Variants in WWOX observed in about 807,000 individuals in gnomAD.
WWOX encodes the protein WW domain-containing oxidoreductase.
A neutral mutation model predicts 46.2 loss-of-function variants in WWOX; 69 were observed. The observed-to-expected ratio is 1.49, with a 90% CI of 1.23 to 1.82. WWOX has a LOEUF of 1.82. Ranked by LOEUF, WWOX falls within the 40% of genes most tolerant of loss-of-function variation. The pLI, the probability that WWOX is intolerant of heterozygous loss-of-function variation, is 0.00. For missense variants in WWOX, 919 were observed against 542.6 expected (o/e 1.69, Z -6.89); for synonymous variants, 359 against 202.6 (o/e 1.77, Z -6.56).
intron 8 of WWOX, among the ~76,000 whole-genome samples, chr16:78,639,817 C>T (rs112441602): frequency 0.019 from 2,869 of 152,240 alleles, 96 homozygotes; most frequent in African/African-American, 0.066. Context: ...CCACCTGCCC[C>T]AGCCTCCCAC....
chr16:78,323,490 T>C (rs1597483138), intron 5 of WWOX, among the ~76,000 whole-genome samples: 1 of 144,186 alleles, frequency 6.9e-6, no homozygotes, highest in East Asian at 2.5e-4. Context: ...CAGCAGTTTC[T>C]GCTTTTTCTA....
At chr16:78,172,954 A>T (rs1000332745) in intron 5 of WWOX, among the ~76,000 whole-genome samples, 1 of 152,174 alleles carries the variant, frequency 6.6e-6, no homozygotes, top group Non-Finnish European at 1.5e-5. Flanking sequence ...ACTGTTTTTC[A>T]TATTTATTGT....
At chr16:78,361,411 G>A (rs1322889715) in intron 5 of WWOX, among the ~76,000 whole-genome samples, 2 of 152,126 alleles carry the variant, frequency 1.3e-5, no homozygotes, top group African/African-American at 4.8e-5. Context: ...ATTATTTGAA[G>A]GGAGATGTTT....
intron 8 of WWOX, among the ~76,000 whole-genome samples, chr16:78,568,771 A>G (rs1336483386): frequency 6.6e-6 from 1 of 152,202 alleles, no homozygotes; most frequent in Non-Finnish European, 1.5e-5. Context: ...CACAGCGTCC[A>G]GCCCCAACTT....
chr16:78,474,385 C>A (rs533464012), intron 8 of WWOX, among the ~76,000 whole-genome samples: 1 of 152,322 alleles, frequency 6.6e-6, no homozygotes, highest in Non-Finnish European at 1.5e-5. Flanking sequence ...ACTCTCTAAA[C>A]CGATCATCAC....
At chr16:78,169,711 G>C (rs2035091120) in intron 5 of WWOX, among the ~76,000 whole-genome samples, 1 of 152,124 alleles carries the variant, frequency 6.6e-6, no homozygotes, top group Non-Finnish European at 1.5e-5. Flanking sequence ...AGGTAGGGTA[G>C]AGTGGGAGCA....
chr16:78,127,882 A>ATTG (rs2033426929), intron 4 of WWOX, among the ~76,000 whole-genome samples: 1 of 152,156 alleles, frequency 6.6e-6, no homozygotes, highest in Non-Finnish European at 1.5e-5. Context: ...TTTGACACAG[A>ATTG]TTGTCCTTAA....
At chr16:78,738,870 T>A (rs1249530045) in intron 8 of WWOX, among the ~76,000 whole-genome samples, 2 of 152,278 alleles carry the variant, frequency 1.3e-5, no homozygotes, top group South Asian at 4.2e-4. Context: ...TTAAGCCACA[T>A]TCCATTCTTC....
intron 8 of WWOX, among the ~76,000 whole-genome samples, chr16:78,741,652 C>G (rs762352036): frequency 2.6e-5 from 4 of 152,072 alleles, no homozygotes; most frequent in African/African-American, 7.2e-5. Flanking sequence ...GTCAGGAGTT[C>G]AAGACCAGGC....
In WWOX at chr16:78,504,678, C is replaced by T. The variant is rs879689067; in HGVS notation, c.1056+71926C>T. Among the ~76,000 whole-genome samples the T allele has an allele frequency of 3.9e-4, 60 of 152,122 alleles. 1 individual carries two copies. The highest frequency in any genetic ancestry group is 7.4e-4 in the Non-Finnish European group (50 of 68,000). ...TTATCCTGAACACATCTCTGTGCAT[C>T]GGGGAGGATGGGAGAATTAATTCCA... On this transcript the variant is annotated intron_variant, in intron 8 of 8. Transcript: ENST00000566780.
At chr16:78,347,017 GC>G (rs2081104911) in intron 5 of WWOX, among the ~76,000 whole-genome samples, 1 of 119,572 alleles carries the variant, frequency 8.4e-6, no homozygotes, top group South Asian at 2.5e-4. Context: ...GAGCCACAGC[GC>G]CCGGTGGTCA....
intron 8 of WWOX, among the ~76,000 whole-genome samples, chr16:78,796,505 G>A (rs767698498): frequency 3.3e-5 from 5 of 152,224 alleles, no homozygotes; most frequent in Non-Finnish European, 7.3e-5. Context: ...GATGCCTCGA[G>A]GAGGCAAGAG....
At chr16:78,812,629 C>T (rs542392723) in intron 8 of WWOX, among the ~76,000 whole-genome samples, 11 of 152,000 alleles carry the variant, frequency 7.2e-5, no homozygotes, top group Non-Finnish European at 1.3e-4. Flanking sequence ...GGGAGGCTGA[C>T]GCGCGAGAAT....
chr16:78,380,636 A>G (rs1048296939), intron 5 of WWOX, among the ~76,000 whole-genome samples: 6 of 152,150 alleles, frequency 3.9e-5, no homozygotes, highest in Admixed American at 1.3e-4. Context: ...CATAATCACA[A>G]TATAAGGATC....
chr16:78,779,136 C>G (rs932818649), intron 8 of WWOX, among the ~76,000 whole-genome samples: 4 of 151,330 alleles, frequency 2.6e-5, no homozygotes, highest in Non-Finnish European at 2.9e-5. Flanking sequence ...ATAAATGTGA[C>G]TCCAACTTGT....
chr16:78,121,881 G>A (rs1007992348), intron 4 of WWOX, among the ~76,000 whole-genome samples: 1 of 152,010 alleles, frequency 6.6e-6, no homozygotes, highest in Admixed American at 6.5e-5. Context: ...TACAGGTCTT[G>A]AACTCCTGAC....
At chr16:78,482,558 T>C (rs2151449061) in intron 8 of WWOX, among the ~76,000 whole-genome samples, 1 of 152,316 alleles carries the variant, frequency 6.6e-6, no homozygotes, top group East Asian at 1.9e-4. Context: ...TTAACCAGTA[T>C]TTATTGAATA....
At chr16:79,166,239 C>T (rs2050592161) in intron 8 of WWOX, among the ~76,000 whole-genome samples, 1 of 152,192 alleles carries the variant, frequency 6.6e-6, no homozygotes, top group South Asian at 2.1e-4. Flanking sequence ...TGAGTTGCCT[C>T]CCCACCTCAT....
intron 8 of WWOX, among the ~76,000 whole-genome samples, chr16:78,885,280 T>C (rs1239896766): frequency 6.6e-6 from 1 of 151,958 alleles, no homozygotes; most frequent in African/African-American, 2.4e-5. Context: ...CTTCCATCTG[T>C]ATTTTCTTTA....
Sources: gnomAD v4.1 joint callset for allele counts (sites outside exome capture counted in the v4.1 genomes callset) on GRCh38, gnomAD v4.1.1 for gene constraint, MANE v1.5 for transcripts, NCBI Gene and HGNC (gene_info 2026-07-23, HGNC 2026-07-21) for gene names.